Variants in DNAH11 observed in about 807,000 individuals in gnomAD.
DNAH11 encodes axonemal beta dynein heavy chain 11.
A neutral mutation model predicts 526.0 loss-of-function variants in DNAH11; 442 were observed. That is an observed-to-expected ratio of 0.84 (90% CI 0.78 to 0.91). DNAH11 has a LOEUF of 0.91. DNAH11 is among the 40% of genes least tolerant of loss of function. DNAH11 has a pLI of 0.00. For missense variants in DNAH11, 6,989 were observed against 5,448.7 expected (o/e 1.28, Z -8.90); for synonymous variants, 2,461 against 1,935.9 (o/e 1.27, Z -7.12).
intron 30 of DNAH11, among the ~76,000 whole-genome samples, chr7:21,671,752 T>C (rs1279330380): frequency 1.3e-5 from 2 of 152,240 alleles, no homozygotes; most frequent in African/African-American, 4.8e-5. Context: ...TTATTGACTT[T>C]ATACCTTTTT....
chr7:21,760,889 C>A (rs1786869958), intron 54 of DNAH11, among the ~76,000 whole-genome samples: 1 of 152,078 alleles, frequency 6.6e-6, no homozygotes, highest in African/African-American at 2.4e-5. Context: ...TATTCACGTG[C>A]ATATTATACT....
At position 21,616,213 on chromosome 7, in the gene DNAH11, G is replaced by A. The variant is rs1282464839; in HGVS notation, c.4016G>A (p.Ser1339Asn). 2.5e-6 allele frequency: 4 copies of A among 1,613,362 alleles called. No individual in the cohort carries two copies. The highest frequency in any genetic ancestry group is 4.5e-5 in the East Asian group (2 of 44,854). ...LWDVIIYVRR[S>N]IDNWTKTQWR... ...TATCTGCTTTTGCGTTTTCAGAGAA[G>A]CATTGATAATTGGACTAAAACCCAG... Residue 1339 changes from serine to asparagine, a missense_variant, in exon 22 of 82, where the codon AGC becomes AAC. By Grantham distance (46) the Ser-to-Asn change is conservative (BLOSUM62 1). Transcript: ENST00000409508.
In DNAH11 at chr7:21,899,320, C is replaced by T; in HGVS notation, c.13050-16C>T. 1 of 1,606,370 alleles carries T rather than the reference C, an allele frequency of 6.2e-7. No individual in the cohort carries two copies. The highest frequency in any genetic ancestry group is 8.5e-7 in the Non-Finnish European group (1 of 1,172,916). Reference sequence around the variant, plus strand: ...TACTGAACAGCAAGTTTTTCTTCCTCCCTCCCATAAACCAGGTTCAATGAC... The same window carrying T: ...TACTGAACAGCAAGTTTTTCTTCCTTCCTCCCATAAACCAGGTTCAATGAC... On this transcript the variant is annotated splice_polypyrimidine_tract_variant and intron_variant, in intron 79 of 81. Transcript: ENST00000409508.
At chr7:21,567,824 G>A (rs1490138987) in intron 6 of DNAH11, among the ~76,000 whole-genome samples, 1 of 152,172 alleles carries the variant, frequency 6.6e-6, no homozygotes, top group African/African-American at 2.4e-5. Context: ...CACATAAAAG[G>A]CATCACCTGT....
intron 66 of DNAH11, among the ~76,000 whole-genome samples, chr7:21,848,896 T>C (rs1298292912): frequency 6.6e-6 from 1 of 152,238 alleles, no homozygotes; most frequent in Non-Finnish European, 1.5e-5. Flanking sequence ...CTTTTTTCTT[T>C]TTTTCTGAGA....
intron 52 of DNAH11, 117 bp downstream of exon 52, chr7:21,748,859 C>T (rs1288208425): frequency 1.4e-5 from 14 of 992,284 alleles, no homozygotes; most frequent in Admixed American, 1.1e-4. Context: ...TCCCCAACCA[C>T]GGGAGAGCGG....
chr7:21,820,889 A>G (rs1790024236), intron 65 of DNAH11, among the ~76,000 whole-genome samples: 2 of 152,194 alleles, frequency 1.3e-5, no homozygotes, highest in South Asian at 4.1e-4. Flanking sequence ...CACTGGAAGC[A>G]ATGTGATCAG....
At chr7:21,616,388 G>A in intron 22 of DNAH11, 96 bp downstream of exon 22, 2 of 937,152 alleles carry the variant, frequency 2.1e-6, no homozygotes, top group Middle Eastern at 2.2e-4. Context: ...TGGGCTGCAT[G>A]TACTTATTTA....
At chr7:21,627,696 C>A (rs1786404823) in intron 25 of DNAH11, among the ~76,000 whole-genome samples, 1 of 152,066 alleles carries the variant, frequency 6.6e-6, no homozygotes, top group African/African-American at 2.4e-5. Flanking sequence ...TAGTAAATTT[C>A]AAAGACAGGT....
intron 61 of DNAH11, among the ~76,000 whole-genome samples, chr7:21,795,512 TAA>T (rs1788670894): frequency 6.6e-6 from 1 of 152,248 alleles, no homozygotes; most frequent in Non-Finnish European, 1.5e-5. Context: ...ATGAGCTCCT[TAA>T]AGTCTTTTAA....
chr7:21,588,871 C>G (rs1236717309), intron 11 of DNAH11, among the ~76,000 whole-genome samples: 4 of 152,008 alleles, frequency 2.6e-5, no homozygotes, highest in Non-Finnish European at 5.9e-5. Flanking sequence ...TTTCCTTGTC[C>G]TTTCCACCCA....
At chr7:21,566,395 A>G (rs955254010) in intron 6 of DNAH11, among the ~76,000 whole-genome samples, 10 of 152,214 alleles carry the variant, frequency 6.6e-5, no homozygotes, top group Admixed American at 2.0e-4. Context: ...AGGAGTCAAA[A>G]GTTAACAATT....
rs780372134 is a variant in DNAH11 at position 21,635,992 on chromosome 7, G to A, written c.4622G>A (p.Arg1541Gln). 8.1e-6 allele frequency: 13 copies of A among 1,613,566 alleles called. No homozygotes were observed. Among genetic ancestry groups the A allele is most frequent in the African/African-American group, 1.3e-5 (1 of 74,938 alleles). Residue 1541 changes from arginine to glutamine, a missense_variant, in exon 26 of 82, where the codon CGA becomes CAA. Physicochemically the swap from Arg to Gln is conservative, Grantham distance 43 (BLOSUM62 1). Transcript: ENST00000409508. ...LVIFTWMEVQ[R>Q]TWSHLESIFV... ...ATCTTCACTTGGATGGAAGTCCAGC[G>A]AACTTGGTCTCACCTGGAAAGCATT...
chr7:21,669,731 TTCTC>T (rs1478421251), intron 30 of DNAH11, among the ~76,000 whole-genome samples: 1 of 152,042 alleles, frequency 6.6e-6, no homozygotes, highest in African/African-American at 2.4e-5. Context: ...ATATTTCTGT[TTCTC>T]TCAAGGTGCT....
chr7:21,649,249 G>C (rs1169668075), intron 28 of DNAH11, among the ~76,000 whole-genome samples: 4 of 152,128 alleles, frequency 2.6e-5, no homozygotes, highest in Admixed American at 6.5e-5. Flanking sequence ...TTCTAAATAG[G>C]AATATATCAT....
chr7:21,586,279 T>G (rs1214363162), intron 9 of DNAH11, among the ~76,000 whole-genome samples: 2 of 152,218 alleles, frequency 1.3e-5, no homozygotes, highest in African/African-American at 2.4e-5. Context: ...ATAAATACAC[T>G]TATCATTTCT....
chr7:21,731,266 A>T (rs1785371991), intron 45 of DNAH11, among the ~76,000 whole-genome samples: 3 of 152,364 alleles, frequency 2.0e-5, no homozygotes, highest in East Asian at 3.9e-4. Context: ...TTTGTCAGTT[A>T]AAAATTAACT....
chr7:21,658,635 G>C (rs1424345880), intron 29 of DNAH11, among the ~76,000 whole-genome samples, 163 bp from the exon 30 acceptor site: 4 of 152,084 alleles, frequency 2.6e-5, no homozygotes, highest in South Asian at 4.1e-4. Context: ...CCAATCCGTT[G>C]TTCACTTTCC....
chr7:21,728,971 G>A lies in DNAH11; in HGVS notation c.7440+2987G>A, dbSNP rs570874266. The stretch of plus-strand genomic sequence containing the variant: ...TAAGGCGGCAGTATTGCCCTTGGGG[G>A]CAGCAGCCCTGTCCCTGGGGCACTG... On this transcript the variant is annotated intron_variant, in intron 45 of 81. Transcript: ENST00000409508. 3.3e-5 allele frequency among the ~76,000 whole-genome samples: 5 copies of A among 152,368 alleles called. No homozygotes were observed. The East Asian group carries it at 9.6e-4, about 29-fold the overall frequency.
Sources: gnomAD v4.1 joint callset for allele counts (sites outside exome capture counted in the v4.1 genomes callset) on GRCh38, gnomAD v4.1.1 for gene constraint, MANE v1.5 for transcripts, NCBI Gene and HGNC (gene_info 2026-07-23, HGNC 2026-07-21) for gene names.